Variants in HS3ST4 observed in about 807,000 individuals in gnomAD.
HS3ST4 encodes heparan sulfate-glucosamine 3-sulfotransferase 4.
A neutral mutation model predicts 29.2 loss-of-function variants in HS3ST4; 17 were observed. The ratio of observed to expected loss-of-function variants is 0.58; its 90% confidence interval spans 0.40 to 0.87. The LOEUF is 0.87. HS3ST4 is among the 40% of genes least tolerant of loss of function. The pLI is 0.00. For missense variants in HS3ST4, 627 were observed against 634.5 expected (o/e 0.99, Z 0.13); for synonymous variants, 314 against 285.7 (o/e 1.10, Z -1.00).
chr16:26,070,878 A>G (rs961661952), intron 1 of HS3ST4, among the ~76,000 whole-genome samples: 2 of 152,128 alleles, frequency 1.3e-5, no homozygotes, highest in African/African-American at 4.8e-5. Flanking sequence ...TTTTGAGGAG[A>G]CCTGCGATTT....
chr16:25,950,999 A>T (rs1968679449), intron 1 of HS3ST4, among the ~76,000 whole-genome samples: 1 of 152,132 alleles, frequency 6.6e-6, no homozygotes, highest in Non-Finnish European at 1.5e-5. Context: ...AACAGCATGT[A>T]GACTCCCAGC....
intron 1 of HS3ST4, among the ~76,000 whole-genome samples, chr16:25,742,646 G>A (rs961867865): frequency 6.6e-6 from 1 of 152,210 alleles, no homozygotes; most frequent in African/African-American, 2.4e-5. Context: ...GGATCAGTCA[G>A]CCTTTTGAAA....
At chr16:25,830,803 CTA>C (rs1300257379) in intron 1 of HS3ST4, among the ~76,000 whole-genome samples, 1 of 152,050 alleles carries the variant, frequency 6.6e-6, no homozygotes, top group Admixed American at 6.5e-5. Flanking sequence ...CAACCCACCT[CTA>C]TCTCTTATCC....
chr16:25,951,531 C>G (rs923516354), intron 1 of HS3ST4, among the ~76,000 whole-genome samples: 2 of 152,154 alleles, frequency 1.3e-5, no homozygotes, highest in African/African-American at 4.8e-5. Flanking sequence ...ACTATACACC[C>G]AAATGGCAAT....
chr16:25,911,886 G>A (rs984345556), intron 1 of HS3ST4, among the ~76,000 whole-genome samples: 1 of 152,072 alleles, frequency 6.6e-6, no homozygotes, highest in African/African-American at 2.4e-5. Context: ...CCACATAGAA[G>A]GACTCAATAA....
chr16:25,765,738 C>A (rs551832223), intron 1 of HS3ST4, among the ~76,000 whole-genome samples: 1 of 152,196 alleles, frequency 6.6e-6, no homozygotes, highest in African/African-American at 2.4e-5. Flanking sequence ...GAGCCCCCTA[C>A]AACAAACCTC....
chr16:26,060,816 C>A (rs532489051), intron 1 of HS3ST4, among the ~76,000 whole-genome samples: 4 of 152,178 alleles, frequency 2.6e-5, no homozygotes, highest in Non-Finnish European at 5.9e-5. Context: ...ACCCTGCGAT[C>A]GGTTGGCTGG....
Position 25,807,226 on chromosome 16 carries a change from G to A in HS3ST4, c.734+114075G>A, listed in dbSNP as rs537542286. On this transcript the variant is annotated intron_variant, in intron 1 of 1. Transcript: ENST00000331351. ...TGACCTCAGGTGATCCACCCACCTT[G>A]GCCTTCCAAAGTGCTGGGATTACAG... 2.0e-4 allele frequency among the ~76,000 whole-genome samples: 31 copies of A among 152,234 alleles called. 1 individual carries two copies. The South Asian group carries it at 6.2e-3, about 31-fold the overall frequency.
intron 1 of HS3ST4, among the ~76,000 whole-genome samples, chr16:25,771,428 G>A (rs1177995804): frequency 6.6e-6 from 1 of 151,988 alleles, no homozygotes; most frequent in African/African-American, 2.4e-5. Flanking sequence ...CCTGTTGTGG[G>A]TTTCACATGC....
chr16:26,021,518 A>T (rs1194766075), intron 1 of HS3ST4, among the ~76,000 whole-genome samples: 1 of 152,156 alleles, frequency 6.6e-6, no homozygotes, highest in Non-Finnish European at 1.5e-5. Flanking sequence ...AAAAGATAGG[A>T]TGTGGTCATT....
intron 1 of HS3ST4, among the ~76,000 whole-genome samples, chr16:25,700,346 G>A (rs1966326629): frequency 1.3e-5 from 2 of 152,268 alleles, no homozygotes; most frequent in South Asian, 4.2e-4. Context: ...TAAGTTCAGA[G>A]ACATTTAGGA....
rs140510631 is a variant in HS3ST4, at chr16:26,027,358, T to G, written c.735-108254T>G. ...AACATGACCCAGGGAACTACTTACA[T>G]TCCATCTTAAAAGCCCAGGGATGCT... On this transcript the variant is annotated intron_variant, in intron 1 of 1. Coordinates refer to ENST00000331351, the MANE Select transcript of HS3ST4 (RefSeq NM_006040.3). 3.8e-3 allele frequency among the ~76,000 whole-genome samples: 583 copies of G among 152,306 alleles called. 1 individual carries two copies. Among genetic ancestry groups the G allele is most frequent in the Middle Eastern group, 6.8e-3 (2 of 294 alleles).
intron 1 of HS3ST4, among the ~76,000 whole-genome samples, chr16:25,837,019 C>A (rs1424680071): frequency 6.6e-6 from 1 of 152,184 alleles, no homozygotes; most frequent in African/African-American, 2.4e-5. Context: ...CATTTTGTCC[C>A]CAGATCTTTC....
rs143903050 is a variant in HS3ST4 at position 26,096,583 on chromosome 16, A to G, written c.735-39029A>G. On this transcript the variant is annotated intron_variant, in intron 1 of 1. Transcript: ENST00000331351. ...AAAACTCTCAATAAACTAGATATTG[A>G]TAGAACGTATCTCAAAATAATAAGA... 4.6e-3 allele frequency among the ~76,000 whole-genome samples: 701 copies of G among 152,332 alleles called. 6 individuals carry two copies. Among genetic ancestry groups the G allele is most frequent in the African/African-American group, 0.016 (661 of 41,572 alleles).
At chr16:25,929,307 G>A (rs1038756811) in intron 1 of HS3ST4, among the ~76,000 whole-genome samples, 3 of 151,804 alleles carry the variant, frequency 2.0e-5, no homozygotes, top group Admixed American at 6.6e-5. Context: ...ACTGGAATCC[G>A]GTGAGCTCAG....
In HS3ST4 at chr16:25,693,077, C is replaced by A; in HGVS notation, c.660C>A (p.His220Gln). ...CGCTGCTGGAGGCGATCCGCGTGCA[C>A]CCGGACGTGCGGGCGGTGGGCGTAG... is the stretch of plus-strand genomic sequence containing the variant. ...TRALLEAIRV[H>Q]PDVRAVGVEP... The change falls in exon 1 of 2, where the codon CAC becomes CAA. Residue 220 changes from histidine to glutamine, a missense_variant. Physicochemically the swap from His to Gln is conservative, Grantham distance 24. Coordinates refer to ENST00000331351, the MANE Select transcript of HS3ST4 (RefSeq NM_006040.3). 6.2e-7 allele frequency: 1 copy of A among 1,608,422 alleles called. No homozygotes were observed. Among genetic ancestry groups the A allele is most frequent in the Non-Finnish European group, 8.5e-7 (1 of 1,177,808 alleles).
At chr16:26,111,365 G>A (rs925629395) in intron 1 of HS3ST4, among the ~76,000 whole-genome samples, 12 of 150,966 alleles carry the variant, frequency 7.9e-5, no homozygotes, top group African/African-American at 2.9e-4. Context: ...AAAGGCATAA[G>A]CCACTGTTCC....
intron 1 of HS3ST4, among the ~76,000 whole-genome samples, chr16:26,025,777 T>C (rs957645491): frequency 6.6e-6 from 1 of 152,124 alleles, no homozygotes; most frequent in Non-Finnish European, 1.5e-5. Context: ...TTTGTTCCTT[T>C]GTTTTTGCTT....
At chr16:25,709,974 T>C (rs561060565) in intron 1 of HS3ST4, among the ~76,000 whole-genome samples, 1 of 152,322 alleles carries the variant, frequency 6.6e-6, no homozygotes, top group South Asian at 2.1e-4. Context: ...CCGGATTCGC[T>C]TCAAGTGGAG....
Sources: allele counts gnomAD v4.1 joint callset (sites outside exome capture counted in the v4.1 genomes callset), GRCh38; gene constraint gnomAD v4.1.1; transcripts MANE v1.5; gene names NCBI Gene and HGNC (gene_info 2026-07-23, HGNC 2026-07-21).